The following SLC24A2 variants were observed in gnomAD, a reference collection of about 807,000 sequenced individuals.
SLC24A2 encodes the protein solute carrier family 24 member 2, also known as sodium/potassium/calcium exchanger 2.
SLC24A2 carries 36 observed loss-of-function variants against 62.0 expected under a neutral mutation model. The ratio of observed to expected loss-of-function variants is 0.58; its 90% CI spans 0.44 to 0.77. SLC24A2 has a LOEUF of 0.77. SLC24A2 is among the 30% of genes least tolerant of loss of function. The probability of loss-of-function intolerance (pLI) is 0.00; values close to 1 mark genes in which losing one functional copy is unlikely to be tolerated. For missense variants in SLC24A2, 846 were observed against 817.9 expected, an observed-to-expected ratio of 1.03 and a Z score of -0.42; for synonymous variants, 358 against 294.0, an observed-to-expected ratio of 1.22 and a Z score of -2.23.
rs1832661063 is a variant in SLC24A2, at chr9:19,510,103, GTTCT to G, written c.*6046_*6049del. On this transcript the variant is annotated 3_prime_UTR_variant, in exon 11 of 11. Transcript: ENST00000341998. ...TAAAGTGGTGTCTCCCCAATTTTGA[GTTCT>G]TTGTGAGTCTGAGATTATGACCTAA... is the stretch of plus-strand genomic sequence containing the variant. 6.6e-6 allele frequency: 1 copy of G among 152,112 alleles called. No individual in the cohort carries two copies. Among genetic ancestry groups the G allele is most frequent in the African/African-American group, 2.4e-5 (1 of 41,416 alleles). The allele number at this position is 152,112 out of a possible 1,614,324, so 9.4% of individuals were successfully genotyped here. A position where few individuals can be genotyped will look rare whatever the true frequency, so the allele number is the denominator to read the frequency against.
At chr9:19,649,000 C>CAAAAAAA (rs1491235158) in intron 2 of SLC24A2, among the ~76,000 whole-genome samples, 1 of 28,766 alleles carries the variant, frequency 3.5e-5, no homozygotes, top group Non-Finnish European at 7.9e-5. Context: ...TGATTAAAAA[C>CAAAAAAA]CAAAAAAAAA....
chr9:19,783,339 A>G (rs2118936180), intron 2 of SLC24A2, among the ~76,000 whole-genome samples: 1 of 152,336 alleles, frequency 6.6e-6, no homozygotes, highest in South Asian at 2.1e-4. Flanking sequence ...CTTTGCATGA[A>G]AACATGCTTA....
intron 7 of SLC24A2, among the ~76,000 whole-genome samples, chr9:19,554,274 C>A (rs979495603): frequency 3.3e-5 from 5 of 152,192 alleles, no homozygotes; most frequent in African/African-American, 1.2e-4. Flanking sequence ...GCGTCCAGAA[C>A]TGTGGTAAAG....
At chr9:19,545,411 T>C (rs540264727) in intron 8 of SLC24A2, among the ~76,000 whole-genome samples, 1 of 152,198 alleles carries the variant, frequency 6.6e-6, no homozygotes, top group South Asian at 2.1e-4. Flanking sequence ...ATTACCCACT[T>C]TCTGAAGCTT....
chr9:19,681,186 A>C (rs1819712396), intron 2 of SLC24A2, among the ~76,000 whole-genome samples: 1 of 152,008 alleles, frequency 6.6e-6, no homozygotes. Context: ...TGCCTTGCTT[A>C]TGTCTCTCCA....
Position 19,780,206 on chromosome 9 carries a change from C to T in SLC24A2, c.930+5731G>A, listed in dbSNP as rs74769752. ...AGGTACTTAGGTTGTTTAGCTGGAG[C>T]GTAAACATCTTAATTAACTTTATAG... On this transcript the variant is annotated intron_variant, in intron 2 of 10. Transcript: ENST00000341998. Among the ~76,000 whole-genome samples the T allele has an allele frequency of 2.4e-3, 371 of 152,142 alleles. 2 individuals are homozygous for T. Among genetic ancestry groups the T allele is most frequent in the Non-Finnish European group, 2.0e-3 (137 of 68,010 alleles).
At chr9:20,205,579 A>C in the SLC24A2 span, among the ~76,000 whole-genome samples, 1 of 142,924 alleles carries the variant, frequency 7.0e-6, no homozygotes, top group East Asian at 2.3e-4. Flanking sequence ...TGAACCCAGG[A>C]GGCAGAGCTT....
chr9:20,096,813 T>C, the SLC24A2 span, among the ~76,000 whole-genome samples: 8 of 152,360 alleles, frequency 5.3e-5, no homozygotes, highest in East Asian at 1.9e-4. Context: ...TTTTTTGTTA[T>C]CGTTCTGTTG....
the SLC24A2 span, among the ~76,000 whole-genome samples, chr9:19,849,043 C>T: frequency 2.6e-5 from 4 of 152,172 alleles, no homozygotes; most frequent in East Asian, 3.8e-4. Context: ...CAACTGCATC[C>T]CCAGGGAAGT....
chr9:20,109,568 G>C, the SLC24A2 span, among the ~76,000 whole-genome samples: 2 of 152,168 alleles, frequency 1.3e-5, no homozygotes, highest in Non-Finnish European at 2.9e-5. Flanking sequence ...CATCCCTTGG[G>C]AGATGACAGT....
chr9:19,890,315 G>C, the SLC24A2 span, among the ~76,000 whole-genome samples: 1 of 152,272 alleles, frequency 6.6e-6, no homozygotes, highest in African/African-American at 2.4e-5. Flanking sequence ...ATGATGAAGG[G>C]AAGGAAATTG....
At chr9:20,197,370 T>C in the SLC24A2 span, among the ~76,000 whole-genome samples, 4 of 151,954 alleles carry the variant, frequency 2.6e-5, no homozygotes. Flanking sequence ...TTCACCATTG[T>C]AGTTTCTAAA....
intron 5 of SLC24A2, among the ~76,000 whole-genome samples, chr9:19,590,001 A>G (rs1054130044): frequency 6.6e-6 from 1 of 152,052 alleles, no homozygotes; most frequent in East Asian, 1.9e-4. Context: ...AGGCCTTCCT[A>G]TGCTGGGCTG....
the SLC24A2 span, among the ~76,000 whole-genome samples, chr9:20,083,330 C>A: frequency 6.6e-6 from 1 of 152,338 alleles, no homozygotes; most frequent in South Asian, 2.1e-4. Flanking sequence ...CACCTTACAA[C>A]TGACCAAATG....
chr9:19,935,538 A>C, the SLC24A2 span, among the ~76,000 whole-genome samples: 1 of 152,152 alleles, frequency 6.6e-6, no homozygotes, highest in Non-Finnish European at 1.5e-5. Context: ...TCACCACCCT[A>C]CTCATTCACC....
intron 2 of SLC24A2, among the ~76,000 whole-genome samples, chr9:19,638,135 T>C (rs910465146): frequency 6.6e-6 from 1 of 152,208 alleles, no homozygotes; most frequent in Non-Finnish European, 1.5e-5. Flanking sequence ...ATGCAATACC[T>C]TGTAAAGTTG....
intron 2 of SLC24A2, among the ~76,000 whole-genome samples, chr9:19,647,466 G>A (rs937596212): frequency 3.3e-5 from 5 of 152,192 alleles, no homozygotes; most frequent in Admixed American, 6.5e-5. Flanking sequence ...GGACATCCAT[G>A]GCTATGTTTT....
intron 9 of SLC24A2, among the ~76,000 whole-genome samples, chr9:19,522,984 CTTAATAA>C (rs1166659381): frequency 1.3e-5 from 2 of 152,148 alleles, no homozygotes; most frequent in Non-Finnish European, 2.9e-5. Flanking sequence ...TTAAAACATT[CTTAATAA>C]TTAAATTCTT....
chr9:20,268,654 A>C, the SLC24A2 span, among the ~76,000 whole-genome samples: 1 of 152,226 alleles, frequency 6.6e-6, no homozygotes. Flanking sequence ...TAACTGTGAC[A>C]AATAAATTAT....
Sources: allele counts gnomAD v4.1 joint callset (sites outside exome capture counted in the v4.1 genomes callset), GRCh38; gene constraint gnomAD v4.1.1; transcripts MANE v1.5; gene names NCBI Gene and HGNC (gene_info 2026-07-23, HGNC 2026-07-21).